The following SEC31A variants were observed in gnomAD, a reference collection of about 807,000 sequenced individuals.
SEC31A encodes the protein protein transport protein Sec31A.
A neutral mutation model predicts 151.0 loss-of-function variants in SEC31A; 70 were observed. The observed-to-expected ratio is 0.46, with a 90% CI of 0.38 to 0.57. SEC31A has a LOEUF of 0.57. Ranked by LOEUF, SEC31A falls within the 20% of genes least tolerant of loss-of-function variation. SEC31A has a pLI of 0.00. For missense variants in SEC31A, 1,330 were observed against 1,471.2 expected (o/e 0.90, Z 1.57); for synonymous variants, 475 against 505.9 (o/e 0.94, Z 0.82).
chr4:82,833,900 T>A (rs1271215239), intron 22 of SEC31A, among the ~76,000 whole-genome samples: 3 of 152,224 alleles, frequency 2.0e-5, no homozygotes, highest in African/African-American at 7.2e-5. Context: ...CCAGGGAAAC[T>A]GTGAGGGGGG....
Position 82,878,727 on chromosome 4 carries a change from A to C in SEC31A, c.402+3T>G, listed in dbSNP as rs200807779. 1.6e-4 allele frequency: 253 copies of C among 1,611,710 alleles called. No homozygotes were observed. The African/African-American group carries it at 3.0e-3, about 19-fold the overall frequency. On this transcript the variant is annotated splice_donor_region_variant and intron_variant, in intron 4 of 26. Coordinates refer to ENST00000395310, the MANE Select transcript of SEC31A (RefSeq NM_001077207.4). Reference sequence around the variant, plus strand: ...AAGAATTATGAAATGTTAAAGTCTTAACCTGGAAAATGTTCACATCCAAGG... The same window carrying C: ...AAGAATTATGAAATGTTAAAGTCTTCACCTGGAAAATGTTCACATCCAAGG...
intron 4 of SEC31A, 66 bp downstream of exon 4, chr4:82,878,664 G>T: frequency 7.5e-7 from 1 of 1,338,948 alleles, no homozygotes; most frequent in Non-Finnish European, 1.1e-6. Flanking sequence ...AGGCATAGTA[G>T]ATTCATATAC....
At chr4:82,847,033 G>T (rs1487478354) in intron 20 of SEC31A, among the ~76,000 whole-genome samples, 1 of 152,168 alleles carries the variant, frequency 6.6e-6, no homozygotes, top group East Asian at 1.9e-4. Flanking sequence ...TCATTGTTAA[G>T]AATACGGTAT....
rs1391990776 is a variant in SEC31A, at chr4:82,857,064, A to G, written c.1769T>C (p.Leu590Ser). 2 of 1,614,098 alleles carry G rather than the reference A, an allele frequency of 1.2e-6. No individual in the cohort carries two copies. The highest frequency in any genetic ancestry group is 1.7e-6 in the Non-Finnish European group (2 of 1,179,990). Residue 590 changes from leucine to serine, a missense_variant, in exon 16 of 27, where the codon TTA becomes TCA. Physicochemically the swap from Leu to Ser is moderately radical, Grantham distance 145. Coordinates refer to ENST00000395310, the MANE Select transcript of SEC31A (RefSeq NM_001077207.4). ...GGCATCGGCCATGCGGTTATCATGT[A>G]AACAAAGGTCAACAGCACTCTCAAA... The part of the protein sequence containing the change: ...GNFESAVDLC[L>S]HDNRMADAII...
At chr4:82,837,540 C>T (rs1727699716) in intron 22 of SEC31A, among the ~76,000 whole-genome samples, 1 of 152,184 alleles carries the variant, frequency 6.6e-6, no homozygotes, top group South Asian at 2.1e-4. Context: ...TGTGCTTCCA[C>T]ACCTGGCTAG....
chr4:82,842,472 GGTT>G lies in SEC31A; in HGVS notation c.2633_2635del (p.Gln878del). 1 of 1,609,154 alleles carries G rather than the reference GGTT, an allele frequency of 6.2e-7. No individual in the cohort carries two copies. The highest frequency in any genetic ancestry group is 1.3e-5 in the African/African-American group (1 of 74,934). ...TGTTCCGAAGGGATACGGCTGGGCTGGTTGATAAGCTACACCAAGGAGAAGAAA... is the reference window on the plus strand; with the variant it reads ...TGTTCCGAAGGGATACGGCTGGGCTGGATAAGCTACACCAAGGAGAAGAAA... On this transcript the variant is annotated inframe_deletion, in exon 22 of 27. Coordinates refer to ENST00000395310, the MANE Select transcript of SEC31A (RefSeq NM_001077207.4).
At chr4:82,842,664 A>G in intron 21 of SEC31A, 183 bp from the exon 22 acceptor site, 2 of 546,642 alleles carry the variant, frequency 3.7e-6, no homozygotes, top group Admixed American at 3.3e-5. Context: ...ACTTGAATTC[A>G]ATAGCTTCAG....
At chr4:82,885,403 T>C (rs1251372770) in intron 1 of SEC31A, among the ~76,000 whole-genome samples, 1 of 152,192 alleles carries the variant, frequency 6.6e-6, no homozygotes, top group Non-Finnish European at 1.5e-5. Flanking sequence ...ATGTATATTT[T>C]CATTATAATA....
In SEC31A at chr4:82,854,899, T is replaced by C; in HGVS notation, c.2008+4A>G. The C allele has an allele frequency of 6.2e-7, 1 of 1,610,926 alleles. No homozygotes were observed. Among genetic ancestry groups the C allele is most frequent in the Middle Eastern group, 1.7e-4 (1 of 6,054 alleles). On this transcript the variant is annotated splice_donor_region_variant and intron_variant, in intron 17 of 26. Transcript: ENST00000395310. ...TGCAGTTAAATATAAAGCACATCTCTTACCACAAAGGGCTGAAAATTCATC... is the reference window on the plus strand; with the variant it reads ...TGCAGTTAAATATAAAGCACATCTCCTACCACAAAGGGCTGAAAATTCATC...
chr4:82,872,097 T>C lies in SEC31A; in HGVS notation c.640-11A>G. Reference sequence around the variant, plus strand: ...CCCAGAACAATGCATCTGAAGATAGTTAAGGTTCACATTTTATGAATCAAA... The same window carrying C: ...CCCAGAACAATGCATCTGAAGATAGCTAAGGTTCACATTTTATGAATCAAA... On this transcript the variant is annotated splice_polypyrimidine_tract_variant and intron_variant, in intron 6 of 26. Coordinates refer to ENST00000395310, the MANE Select transcript of SEC31A (RefSeq NM_001077207.4). The C allele has an allele frequency of 6.2e-7, 1 of 1,603,288 alleles. No homozygotes were observed. Among genetic ancestry groups the C allele is most frequent in the Non-Finnish European group, 8.5e-7 (1 of 1,170,518 alleles).
At chr4:82,826,166 C>G (rs1485081573) in intron 24 of SEC31A, among the ~76,000 whole-genome samples, 4 of 152,092 alleles carry the variant, frequency 2.6e-5, no homozygotes, top group Non-Finnish European at 5.9e-5. Flanking sequence ...GAACCCAAGT[C>G]TAAACAAAGA....
At chr4:82,851,043 T>A (rs1041765223) in intron 19 of SEC31A, among the ~76,000 whole-genome samples, 18 of 152,256 alleles carry the variant, frequency 1.2e-4, no homozygotes, top group Non-Finnish European at 2.6e-4. Flanking sequence ...TATGGGATTT[T>A]AAAAATGTTA....
intron 22 of SEC31A, among the ~76,000 whole-genome samples, chr4:82,838,865 A>T (rs890559853): frequency 6.6e-6 from 1 of 152,210 alleles, no homozygotes; most frequent in Non-Finnish European, 1.5e-5. Flanking sequence ...GTTCACTAAT[A>T]GAAGGCTTGA....
rs1198506494 is a variant in SEC31A, at chr4:82,864,282, TAGG to T, written c.1434+77_1434+79del. 3.4e-5 allele frequency: 33 copies of T among 975,172 alleles called. No individual in the cohort carries two copies. In the Admixed American group the frequency reaches 4.1e-4, roughly 12 times the overall value. The allele number at this position is 975,172 out of a possible 1,614,324, so 60.4% of individuals were successfully genotyped here. ...CACACTTTTTCAATTGTTTCTTTAA[TAGG>T]AGGACAGATTTAGAATATAAAGGAA... On this transcript the variant is annotated intron_variant, in intron 11 of 26. Coordinates refer to ENST00000395310, the MANE Select transcript of SEC31A (RefSeq NM_001077207.4).
chr4:82,849,338 G>C (rs934332436), intron 19 of SEC31A, among the ~76,000 whole-genome samples: 3 of 152,128 alleles, frequency 2.0e-5, no homozygotes, highest in Non-Finnish European at 4.4e-5. Flanking sequence ...ACTAAGGCCA[G>C]GCGCAGAGGT....
intron 20 of SEC31A, among the ~76,000 whole-genome samples, chr4:82,846,750 T>C (rs1305964963): frequency 6.6e-6 from 1 of 152,180 alleles, no homozygotes; most frequent in Non-Finnish European, 1.5e-5. Flanking sequence ...TTTTTGCTCT[T>C]GTTGTTCAGG....
chr4:82,891,352 T>C (rs1257803294), upstream of SEC31A: 7 of 640,782 alleles, frequency 1.1e-5, no homozygotes, highest in Non-Finnish European at 1.9e-5. Context: ...TTGGTGGCGC[T>C]CTGCGGTCAT....
At chr4:82,855,138 A>G in intron 16 of SEC31A, 109 bp from the exon 17 acceptor site, 4 of 924,234 alleles carry the variant, frequency 4.3e-6, no homozygotes, top group Non-Finnish European at 6.2e-6. Flanking sequence ...CAGCAGCAAA[A>G]TGAAGTATAA....
chr4:82,851,564 T>C lies in SEC31A; in HGVS notation c.2195A>G (p.Gln732Arg). 6.2e-7 allele frequency: 1 copy of C among 1,612,152 alleles called. No individual in the cohort carries two copies. Among genetic ancestry groups the C allele is most frequent in the South Asian group, 1.1e-5 (1 of 90,576 alleles). ...ACTAGTGTCCATGGCTTGAGTGAGT[T>C]GCACAGCTTTTCGCAGGATGACAAC... ...EKVVILRKAV[Q>R]LTQAMDTSTV... Residue 732 changes from glutamine (Q) to arginine (R), a missense_variant, in exon 19 of 27, where the codon CAA becomes CGA. By Grantham distance (43) the Gln-to-Arg change is conservative. Transcript: ENST00000395310.
Sources: gnomAD v4.1 joint callset for allele counts (sites outside exome capture counted in the v4.1 genomes callset) on GRCh38, gnomAD v4.1.1 for gene constraint, MANE v1.5 for transcripts, NCBI Gene and HGNC (gene_info 2026-07-23, HGNC 2026-07-21) for gene names.